UQCRB: variants seen among roughly 807,000 people sequenced by gnomAD.
UQCRB encodes ubiquinol-cytochrome c reductase binding protein, also known as cytochrome b-c1 complex subunit 7.
A neutral mutation model predicts 19.8 loss-of-function variants in UQCRB; 12 were observed. That is an observed-to-expected ratio of 0.61 (90% CI 0.39 to 0.98). UQCRB has a LOEUF of 0.98. Ranked by LOEUF, UQCRB falls within the 50% of genes least tolerant of loss-of-function variation. The probability of loss-of-function intolerance (pLI) is 0.00; values close to 1 mark genes in which losing one functional copy is unlikely to be tolerated. For missense variants in UQCRB, 142 were observed against 131.8 expected, an observed-to-expected ratio of 1.08 and a Z score of -0.38; for synonymous variants, 39 against 42.9, an observed-to-expected ratio of 0.91 and a Z score of 0.35.
rs764773870 is a variant in UQCRB, at chr8:96,228,560, C to T, written c.*2495G>A. On this transcript the variant is annotated 3_prime_UTR_variant, in exon 4 of 4. Coordinates refer to ENST00000287022, the MANE Select transcript of UQCRB (RefSeq NM_006294.5). ...GCTATTCGACATTGATGATATTCAG[C>T]GTTTTCCCAAGTTATTCTTTCTCGC... The T allele has an allele frequency of 6.6e-6, 3 of 453,998 alleles. No homozygotes were observed. Among genetic ancestry groups the T allele is most frequent in the East Asian group, 1.4e-4 (2 of 14,398 alleles). 28.1% of individuals were successfully genotyped at this position (453,998 alleles called of 1,614,324 possible).
rs1403870099 is a variant in UQCRB, at chr8:96,224,483, C to G, written c.*6572G>C. On this transcript the variant is annotated 3_prime_UTR_variant, in exon 4 of 4. Coordinates refer to ENST00000287022, the MANE Select transcript of UQCRB (RefSeq NM_006294.5). ...ACATCAATTTATCTCTCCTGGGGTA[C>G]AGAGCTGAATCCAGAAGGGACAAGA... Among the ~76,000 whole-genome samples, 1 of 152,150 alleles carries G rather than the reference C, an allele frequency of 6.6e-6. No homozygotes were observed. The highest frequency in any genetic ancestry group is 1.9e-4 in the East Asian group (1 of 5,192).
rs781638961 is a variant in UQCRB at position 96,228,136 on chromosome 8, G to GT, written c.*2918dup. ...AACAGTGAACATAAGCCAGCCATCT[G>GT]TTTTTTTGCAAAGTATAGTAAAACA... On this transcript the variant is annotated 3_prime_UTR_variant, in exon 4 of 4. Coordinates refer to ENST00000287022, the MANE Select transcript of UQCRB (RefSeq NM_006294.5). 4 of 453,974 alleles carry GT rather than the reference G, an allele frequency of 8.8e-6. No individual in the cohort carries two copies. Among genetic ancestry groups the GT allele is most frequent in the East Asian group, 6.9e-5 (1 of 14,404 alleles). The allele number at this position is 453,974 out of a possible 1,614,324, so 28.1% of individuals were successfully genotyped here. A position where few individuals can be genotyped will look rare whatever the true frequency, so the allele number is the denominator to read the frequency against.
At position 96,231,221 on chromosome 8, in the gene UQCRB, A is replaced by G. The variant is rs149856555; in HGVS notation, c.259-89T>C. On this transcript the variant is annotated intron_variant, in intron 3 of 3. Coordinates refer to ENST00000287022, the MANE Select transcript of UQCRB (RefSeq NM_006294.5). ...GGTCTTCAATAACAAGAAAAAAGCA[A>G]TTACTTTTGAATTTCCAATTTTAGA... 5 of 1,612,630 alleles carry G rather than the reference A, an allele frequency of 3.1e-6. No individual in the cohort carries two copies. In the African/African-American group the frequency reaches 5.3e-5, roughly 17 times the overall value.
intron 1 of UQCRB, chr8:96,233,848 A>T (rs1361566523): frequency 1.3e-5 from 2 of 152,784 alleles, no homozygotes; most frequent in Admixed American, 6.5e-5. Context: ...AGTCATTTAA[A>T]CATTAATATG....
At chr8:96,231,541 A>G (rs1327519499) in intron 3 of UQCRB, 5 of 1,470,058 alleles carry the variant, frequency 3.4e-6, no homozygotes, top group Non-Finnish European at 4.6e-6. Flanking sequence ...CCTGGATTTT[A>G]GTCCTGGCTC....
Position 96,231,886 on chromosome 8 carries a change from C to T in UQCRB, c.146G>A (p.Arg49Lys), listed in dbSNP as rs1563538001. Reference protein sequence around the residue: ...YEDEDVKEAIRRLPENLYNDR... With the variant: ...YEDEDVKEAIKRLPENLYNDR... The stretch of plus-strand genomic sequence containing the variant: ...ATTATAAAGGTTCTCAGGAAGTCTT[C>T]TTATGGCTTCTTTTACATCTTCATC... Residue 49 changes from arginine to lysine, a missense_variant, in exon 3 of 4, where the codon AGA becomes AAA. Transcript: ENST00000287022. The T allele has an allele frequency of 6.2e-7, 1 of 1,614,016 alleles. No individual in the cohort carries two copies. The highest frequency in any genetic ancestry group is 1.3e-5 in the African/African-American group (1 of 75,050).
Position 96,235,517 on chromosome 8 carries a change from T to C in UQCRB, c.14A>G (p.Gln5Arg). Residue 5 changes from glutamine to arginine, a missense_variant, in exon 1 of 4, where the codon CAG becomes CGG. Gln to Arg is a conservative substitution (Grantham distance 43). Coordinates refer to ENST00000287022, the MANE Select transcript of UQCRB (RefSeq NM_006294.5). ...GAAGACCCCCAGTTACTTACCGGCCTGCTTACCAGCCATTTTGACCAGAAA... is the reference window on the plus strand; with the variant it reads ...GAAGACCCCCAGTTACTTACCGGCCCGCTTACCAGCCATTTTGACCAGAAA... MAGK[Q>R]AVSASGKWLD... 1.2e-6 allele frequency: 2 copies of C among 1,614,246 alleles called. No homozygotes were observed. The highest frequency in any genetic ancestry group is 1.7e-6 in the Non-Finnish European group (2 of 1,180,038).
Position 96,227,523 on chromosome 8 carries a change from C to T in UQCRB, c.*3532G>A, listed in dbSNP as rs1159697662. The stretch of plus-strand genomic sequence containing the variant: ...ACCATCCCTCTCTGATACTGTCCCT[C>T]CTAAAATCCATGCTTCCTCCCATAC... On this transcript the variant is annotated 3_prime_UTR_variant, in exon 4 of 4. Transcript: ENST00000287022. 2.2e-6 allele frequency: 1 copy of T among 454,136 alleles called. No homozygotes were observed. Among genetic ancestry groups the T allele is most frequent in the Non-Finnish European group, 4.4e-6 (1 of 226,802 alleles). 28.1% of individuals were successfully genotyped at this position (454,136 alleles called of 1,614,324 possible).
intron 1 of UQCRB, chr8:96,235,147 C>A (rs1809777328): frequency 1.3e-4 from 56 of 432,866 alleles, no homozygotes; most frequent in South Asian, 1.2e-3. Context: ...GCACTTGGGT[C>A]ATAGAAAGCA....
Position 96,233,170 on chromosome 8 carries a change from C to T in UQCRB, c.77G>A (p.Gly26Glu), listed in dbSNP as rs2129815753. 1 of 1,612,866 alleles carries T rather than the reference C, an allele frequency of 6.2e-7. No homozygotes were observed. Among genetic ancestry groups the T allele is most frequent in the South Asian group, 1.1e-5 (1 of 91,058 alleles). The change falls in exon 2 of 4, where the codon GGA (glycine) becomes GAA (glutamate). Residue 26 changes from glycine (G) to glutamate (E), a missense_variant. Physicochemically the swap from Gly to Glu is moderately conservative, Grantham distance 98 (BLOSUM62 -2). Coordinates refer to ENST00000287022, the MANE Select transcript of UQCRB (RefSeq NM_006294.5). ...GIRKWYYNAA[G>E]FNKLGLMRDD... is the part of the protein sequence containing the mutation. ...CAGCTGCTTACCCAGTTTATTGAAT[C>T]CTGCAGCATTGTAATACCATTTTCG... is the stretch of plus-strand genomic sequence containing the variant.
In UQCRB at chr8:96,230,588, A is replaced by C. The variant is rs1271883932; in HGVS notation, c.*467T>G. ...TAGCACAGGAGTATGTATATTACTTAAGTATGCCTATGTTGGGGTGCAGAC... is the reference window on the plus strand; with the variant it reads ...TAGCACAGGAGTATGTATATTACTTCAGTATGCCTATGTTGGGGTGCAGAC... On this transcript the variant is annotated 3_prime_UTR_variant, in exon 4 of 4. Coordinates refer to ENST00000287022, the MANE Select transcript of UQCRB (RefSeq NM_006294.5). The C allele has an allele frequency of 2.2e-6, 1 of 454,740 alleles. No homozygotes were observed. The highest frequency in any genetic ancestry group is 4.4e-6 in the Non-Finnish European group (1 of 227,284). 28.2% of individuals were successfully genotyped at this position (454,740 alleles called of 1,614,324 possible). A position where few individuals can be genotyped will look rare whatever the true frequency, so the allele number is the denominator to read the frequency against.
At position 96,223,457 on chromosome 8, in the gene UQCRB, A is replaced by G. The variant is rs779778865; in HGVS notation, c.*7598T>C. Among the ~76,000 whole-genome samples the G allele has an allele frequency of 3.3e-5, 5 of 152,254 alleles. No individual in the cohort carries two copies. The highest frequency in any genetic ancestry group is 7.3e-5 in the Non-Finnish European group (5 of 68,044). ...TGGAAAAATTTTCAAGGAATAAATG[A>G]AACCTGAAATGGCCCACAGTGAACA... On this transcript the variant is annotated 3_prime_UTR_variant, in exon 4 of 4. Transcript: ENST00000287022.
chr8:96,234,889 C>A, intron 1 of UQCRB: 1 of 198,958 alleles, frequency 5.0e-6, no homozygotes, highest in Non-Finnish European at 1.0e-5. Flanking sequence ...ACAATAAATT[C>A]AAATTTCTCC....
chr8:96,235,489 C>T, intron 1 of UQCRB, 23 bp downstream of exon 1: 1 of 1,614,174 alleles, frequency 6.2e-7, no homozygotes, highest in Non-Finnish European at 8.5e-7. Flanking sequence ...CGATGCCGGC[C>T]AAGAAGACCC....
At chr8:96,232,759 CG>C (rs1304010096) in intron 2 of UQCRB, 6 of 176,256 alleles carry the variant, frequency 3.4e-5, no homozygotes, top group Non-Finnish European at 4.8e-5. Flanking sequence ...CACTTGAACT[CG>C]GGAGGCGGAG....
Position 96,231,919 on chromosome 8 carries a change from A to T in UQCRB, c.113T>A (p.Ile38Lys). 1.2e-6 allele frequency: 2 copies of T among 1,613,602 alleles called. No individual in the cohort carries two copies. The highest frequency in any genetic ancestry group is 1.7e-6 in the Non-Finnish European group (2 of 1,179,992). The stretch of plus-strand genomic sequence containing the variant: ...TTCTTTTACATCTTCATCCTCGTAT[A>T]TTGTATCATCTCGCATTAACCCTAT... ...NKLGLMRDDT[I>K]YEDEDVKEAI... is the part of the protein sequence containing the mutation. Residue 38 changes from isoleucine (I) to lysine (K), a missense_variant, in exon 3 of 4, where the codon ATA becomes AAA. Ile to Lys is a moderately radical substitution (Grantham distance 102, BLOSUM62 -3). Transcript: ENST00000287022.
At chr8:96,231,197 GTCT>G in intron 3 of UQCRB, 65 bp from the exon 4 acceptor site, 1 of 1,613,638 alleles carries the variant, frequency 6.2e-7, no homozygotes, top group Non-Finnish European at 8.5e-7. Flanking sequence ...CACTCAACAG[GTCT>G]TCAATAACAA....
Position 96,227,331 on chromosome 8 carries a change from G to A in UQCRB, c.*3724C>T. On this transcript the variant is annotated 3_prime_UTR_variant, in exon 4 of 4. Coordinates refer to ENST00000287022, the MANE Select transcript of UQCRB (RefSeq NM_006294.5). ...CATCCTGAAAAATGAAGGAGGGGAGGGAGTTGGTGGGGCGCAGAATGGAGA... is the reference window on the plus strand; with the variant it reads ...CATCCTGAAAAATGAAGGAGGGGAGAGAGTTGGTGGGGCGCAGAATGGAGA... 2.2e-6 allele frequency: 1 copy of A among 454,102 alleles called. No homozygotes were observed. 28.1% of individuals were successfully genotyped at this position (454,102 alleles called of 1,614,324 possible).
Position 96,225,050 on chromosome 8 carries a change from G to T in UQCRB, c.*6005C>A, listed in dbSNP as rs185962967. Among the ~76,000 whole-genome samples the T allele has an allele frequency of 6.6e-6, 1 of 152,106 alleles. No homozygotes were observed. The highest frequency in any genetic ancestry group is 1.5e-5 in the Non-Finnish European group (1 of 68,022). On this transcript the variant is annotated 3_prime_UTR_variant, in exon 4 of 4. Coordinates refer to ENST00000287022, the MANE Select transcript of UQCRB (RefSeq NM_006294.5). ...AAGGGGTACTATCTAAACATATAAAGGTCTCATACAAATAGATAAGAACTG... is the reference window on the plus strand; with the variant it reads ...AAGGGGTACTATCTAAACATATAAATGTCTCATACAAATAGATAAGAACTG...
Sources: allele counts gnomAD v4.1 joint callset (sites outside exome capture counted in the v4.1 genomes callset), GRCh38; gene constraint gnomAD v4.1.1; transcripts MANE v1.5; gene names NCBI Gene and HGNC (gene_info 2026-07-23, HGNC 2026-07-21).